FBN2: variants seen among roughly 807,000 people sequenced by gnomAD.
FBN2 encodes the protein fibrillin-2.
FBN2 carries 105 observed loss-of-function variants against 355.6 expected under a neutral mutation model. That is an observed-to-expected ratio of 0.30 (90% confidence interval 0.25 to 0.35). The LOEUF (loss-of-function observed/expected upper bound fraction) is 0.35, where lower values mean the gene tolerates loss of function less well. Among genes scored for constraint, FBN2 ranks in the 10% least tolerant of loss-of-function variants. The probability of loss-of-function intolerance (pLI) is 1.00; values close to 1 mark genes in which losing one functional copy is unlikely to be tolerated. For synonymous variants in FBN2, 1,350 were observed against 1,301.2 expected, an observed-to-expected ratio of 1.04 and a Z score of -0.81; for missense variants, 3,280 against 3,758.7, an observed-to-expected ratio of 0.87 and a Z score of 3.33.
chr5:128,295,100 C>T (rs1303791944), intron 48 of FBN2, among the ~76,000 whole-genome samples: 5 of 149,294 alleles, frequency 3.3e-5, no homozygotes, highest in Non-Finnish European at 7.5e-5. Context: ...GGAATCCTTT[C>T]CCCATTGCTT....
intron 7 of FBN2, among the ~76,000 whole-genome samples, chr5:128,423,162 A>T (rs576597565): frequency 2.8e-4 from 42 of 152,286 alleles, no homozygotes; most frequent in African/African-American, 1.0e-3. Flanking sequence ...TGACAGTTAA[A>T]TTGAAACAGA....
intron 5 of FBN2, among the ~76,000 whole-genome samples, chr5:128,483,847 A>G (rs538405464): frequency 2.2e-3 from 329 of 152,288 alleles, no homozygotes; most frequent in Non-Finnish European, 3.8e-3. Context: ...TTCTCTTCAA[A>G]AGCATAATCC....
At chr5:128,534,149 T>G (rs1283201067) in intron 2 of FBN2, among the ~76,000 whole-genome samples, 1 of 152,164 alleles carries the variant, frequency 6.6e-6, no homozygotes, top group Non-Finnish European at 1.5e-5. Flanking sequence ...TAATATTTGG[T>G]TTTTATTTAT....
intron 15 of FBN2, among the ~76,000 whole-genome samples, chr5:128,370,070 A>C (rs1011071711): frequency 3.3e-5 from 5 of 152,182 alleles, no homozygotes; most frequent in African/African-American, 1.2e-4. Context: ...GTTGGGGTTC[A>C]GACAAGGTTT....
chr5:128,455,326 G>T (rs1165798537), intron 6 of FBN2, among the ~76,000 whole-genome samples: 1 of 152,252 alleles, frequency 6.6e-6, no homozygotes, highest in East Asian at 1.9e-4. Flanking sequence ...GTCCTTTAAT[G>T]TATAATAAAA....
intron 36 of FBN2, among the ~76,000 whole-genome samples, chr5:128,316,805 T>C (rs1750212981): frequency 6.6e-6 from 1 of 152,214 alleles, no homozygotes; most frequent in South Asian, 2.1e-4. Context: ...ACTATTCTCT[T>C]TTATGAGCTG....
chr5:128,311,274 C>A (rs750890055), intron 39 of FBN2, 26 bp downstream of exon 39: 32 of 1,613,678 alleles, frequency 2.0e-5, no homozygotes, highest in Non-Finnish European at 2.6e-5. Flanking sequence ...CAGCACTGAG[C>A]ATTTTAGGCA....
chr5:128,531,703 T>C (rs1479014604), intron 2 of FBN2, among the ~76,000 whole-genome samples: 1 of 143,610 alleles, frequency 7.0e-6, no homozygotes. Flanking sequence ...TATATATAAG[T>C]GTATATATAT....
chr5:128,271,835 T>A (rs541157173), intron 62 of FBN2, among the ~76,000 whole-genome samples, 164 bp downstream of exon 62: 2 of 152,108 alleles, frequency 1.3e-5, no homozygotes, highest in Non-Finnish European at 2.9e-5. Flanking sequence ...TTTTCAAACA[T>A]ACACACTAGC....
intron 5 of FBN2, among the ~76,000 whole-genome samples, chr5:128,484,749 CAG>C (rs1262081104): frequency 6.6e-6 from 1 of 152,122 alleles, no homozygotes; most frequent in Non-Finnish European, 1.5e-5. Flanking sequence ...AAGTGAGACA[CAG>C]AGAGAGGTAT....
chr5:128,389,857 T>G (rs1752464838), intron 11 of FBN2, among the ~76,000 whole-genome samples: 1 of 152,160 alleles, frequency 6.6e-6, no homozygotes, highest in Non-Finnish European at 1.5e-5. Flanking sequence ...CCTACTTCAG[T>G]CCAGGGTCTG....
chr5:128,318,516 T>C (rs1293486985), intron 35 of FBN2, among the ~76,000 whole-genome samples: 1 of 152,036 alleles, frequency 6.6e-6, no homozygotes, highest in Non-Finnish European at 1.5e-5. Context: ...AATTAAAATT[T>C]GCAACTCTGA....
intron 54 of FBN2, 91 bp downstream of exon 54, chr5:128,287,217 A>G (rs1749178808): frequency 2.1e-6 from 3 of 1,418,356 alleles, no homozygotes; most frequent in East Asian, 4.6e-5. Flanking sequence ...GTAAAGCTCT[A>G]GAAGAAATTA....
At chr5:128,413,608 T>C (rs1251445590) in intron 7 of FBN2, among the ~76,000 whole-genome samples, 1 of 152,144 alleles carries the variant, frequency 6.6e-6, no homozygotes, top group Non-Finnish European at 1.5e-5. Context: ...AATCTTACAC[T>C]AAACGGAATA....
At chr5:128,484,129 C>G (rs1307239122) in intron 5 of FBN2, among the ~76,000 whole-genome samples, 1 of 152,226 alleles carries the variant, frequency 6.6e-6, no homozygotes, top group East Asian at 1.9e-4. Context: ...CTATTTTTCA[C>G]AAATTATCCA....
At chr5:128,287,982 G>A (rs1183438899) in intron 53 of FBN2, among the ~76,000 whole-genome samples, 1 of 152,206 alleles carries the variant, frequency 6.6e-6, no homozygotes, top group Non-Finnish European at 1.5e-5. Context: ...TTAAAGAACT[G>A]ACAGATGAGC....
intron 7 of FBN2, among the ~76,000 whole-genome samples, chr5:128,426,201 C>T (rs549978455): frequency 7.2e-5 from 11 of 152,282 alleles, no homozygotes; most frequent in African/African-American, 2.6e-4. Flanking sequence ...TAGGACCACA[C>T]TCTAACTATG....
intron 4 of FBN2, 24 bp from the exon 5 acceptor site, chr5:128,519,392 CTCAT>C (rs770728452): frequency 6.3e-7 from 1 of 1,577,368 alleles, no homozygotes; most frequent in East Asian, 2.2e-5. Flanking sequence ...TAGCAAGAAG[CTCAT>C]TATATAGCCA....
At chr5:128,464,572 G>T in intron 6 of FBN2, 152 bp downstream of exon 6, 1 of 749,540 alleles carries the variant, frequency 1.3e-6, no homozygotes, top group Non-Finnish European at 2.2e-6. Flanking sequence ...GTGGCTAAAA[G>T]ATAAACCTTC....
Sources: gnomAD v4.1 joint callset for allele counts (sites outside exome capture counted in the v4.1 genomes callset) on GRCh38, gnomAD v4.1.1 for gene constraint, MANE v1.5 for transcripts, NCBI Gene and HGNC (gene_info 2026-07-23, HGNC 2026-07-21) for gene names.